HDGFL2: variants seen among roughly 807,000 people sequenced by gnomAD.
The protein encoded by HDGFL2 is HDGF like 2.
A neutral mutation model predicts 77.1 loss-of-function variants in HDGFL2; 36 were observed. The ratio of observed to expected loss-of-function variants is 0.47; its 90% CI spans 0.36 to 0.62. The LOEUF (loss-of-function observed/expected upper bound fraction) is 0.62. Ranked by LOEUF, HDGFL2 falls within the 20% of genes least tolerant of loss-of-function variation. HDGFL2 has a pLI of 0.00. For missense variants in HDGFL2, 976 were observed against 973.4 expected (o/e 1.00, Z -0.04); for synonymous variants, 463 against 413.1 (o/e 1.12, Z -1.46).
Position 4,494,414 on chromosome 19 carries a change from G to A in HDGFL2, c.1163G>A (p.Gly388Asp). The change falls in exon 9 of 16, where the codon GGC (glycine) becomes GAC (aspartate). Residue 388 changes from glycine to aspartate, a missense_variant. Transcript: ENST00000616600. ...CCCGTCAAGAAGCGGGGACGCAAGG[G>A]CCGGGGCCGGGGTCCCCCGTCCTCC... The part of the protein sequence containing the change: ...DEPVKKRGRK[G>D]RGRGPPSSSD... The A allele has an allele frequency of 7.1e-7, 1 of 1,405,654 alleles. No individual in the cohort carries two copies. Among genetic ancestry groups the A allele is most frequent in the Non-Finnish European group, 9.2e-7 (1 of 1,084,810 alleles). The allele number at this position is 1,405,654 out of a possible 1,614,324, so 87.1% of individuals were successfully genotyped here. A position where few individuals can be genotyped will look rare whatever the true frequency, so the allele number is the denominator to read the frequency against.
intron 6 of HDGFL2, 136 bp from the exon 7 acceptor site, chr19:4,493,567 G>T: frequency 8.5e-7 from 1 of 1,177,876 alleles, no homozygotes; most frequent in Non-Finnish European, 1.1e-6. Context: ...GGTGGGAGGG[G>T]ATTCGGAGCC....
chr19:4,489,458 C>T (rs923046565), intron 4 of HDGFL2, among the ~76,000 whole-genome samples: 8 of 151,524 alleles, frequency 5.3e-5, no homozygotes, highest in African/African-American at 1.5e-4. Flanking sequence ...GGCTGGAGTG[C>T]GGTGGCACGA....
chr19:4,493,865 A>G lies in HDGFL2; in HGVS notation c.838+3A>G. 2 of 1,503,756 alleles carry G rather than the reference A, an allele frequency of 1.3e-6. No individual in the cohort carries two copies. Among genetic ancestry groups the G allele is most frequent in the Non-Finnish European group, 1.8e-6 (2 of 1,119,134 alleles). 93.2% of individuals were successfully genotyped at this position (1,503,756 alleles called of 1,614,324 possible). A position where few individuals can be genotyped will look rare whatever the true frequency, so the allele number is the denominator to read the frequency against. ...GCCTCCGAGGGGCAGGAAGCCAGGT[A>G]GGGCCCTCGTGCTCGCACATCTCTT... On this transcript the variant is annotated splice_donor_region_variant and intron_variant, in intron 7 of 15. Transcript: ENST00000616600.
At chr19:4,500,948 GC>G (rs1975856713) in intron 14 of HDGFL2, among the ~76,000 whole-genome samples, 1 of 152,184 alleles carries the variant, frequency 6.6e-6, no homozygotes, top group Non-Finnish European at 1.5e-5. Context: ...TCTCAGGGCT[GC>G]CCACGTTCCC....
intron 13 of HDGFL2, 35 bp downstream of exon 13, chr19:4,498,950 CG>C (rs1975781492): frequency 1.4e-6 from 2 of 1,473,880 alleles, no homozygotes; most frequent in Non-Finnish European, 1.9e-6. Flanking sequence ...AGGGTGCAGT[CG>C]GGGGAGCTGG....
chr19:4,493,790 T>G lies in HDGFL2; in HGVS notation c.766T>G (p.Ser256Ala), dbSNP rs1454603834. Residue 256 changes from serine to alanine, a missense_variant, in exon 7 of 16, where the codon TCC becomes GCC. Ser to Ala is a moderately conservative substitution (Grantham distance 99). This residue lies in a region of HDGFL2 where 567 missense variants were observed against 534.7 expected (regional missense o/e 1.06). Transcript: ENST00000616600. ...GGTGGCCATGGCGCGGTCGGCGTCCTCCTCCTCCTCTTCCTCCTCCTCCTC... is the reference window on the plus strand; with the variant it reads ...GGTGGCCATGGCGCGGTCGGCGTCCGCCTCCTCCTCTTCCTCCTCCTCCTC... ...EPVAMARSAS[S>A]SSSSSSSSDS... is the part of the protein sequence containing the mutation. The G allele has an allele frequency of 2.6e-6, 4 of 1,543,650 alleles. No homozygotes were observed. The Admixed American group carries it at 7.9e-5, about 31-fold the overall frequency.
At chr19:4,491,324 T>C (rs1975506986) in intron 4 of HDGFL2, among the ~76,000 whole-genome samples, 1 of 135,170 alleles carries the variant, frequency 7.4e-6, no homozygotes, top group South Asian at 2.7e-4. Context: ...TTTCTGTCTC[T>C]GTGAGTCTGA....
intron 1 of HDGFL2, among the ~76,000 whole-genome samples, chr19:4,473,753 C>G (rs1314942987): frequency 6.6e-6 from 1 of 151,680 alleles, no homozygotes; most frequent in Non-Finnish European, 1.5e-5. Flanking sequence ...GGAACTGGAC[C>G]TTAGAATGAA....
rs751472160 is a variant in HDGFL2, at chr19:4,499,518, G to A, written c.1603G>A (p.Val535Ile). 6 of 1,613,846 alleles carry A rather than the reference G, an allele frequency of 3.7e-6. No homozygotes were observed. Among genetic ancestry groups the A allele is most frequent in the Non-Finnish European group, 4.2e-6 (5 of 1,179,974 alleles). The part of the protein sequence containing the change: ...KIRRYKANKD[V>I]MEKAAEVYTR... ...TCGCCGTTACAAAGCGAACAAGGAC[G>A]TAATGGAGAAGGCAGCAGAAGTCTA... Residue 535 changes from valine to isoleucine, a missense_variant, in exon 14 of 16, where the codon GTA becomes ATA. Transcript: ENST00000616600.
At chr19:4,486,560 C>T (rs1975367790) in intron 3 of HDGFL2, among the ~76,000 whole-genome samples, 1 of 151,612 alleles carries the variant, frequency 6.6e-6, no homozygotes. Context: ...GCAATCTCTG[C>T]CAAGCACGGT....
chr19:4,486,415 G>T (rs1307868445), intron 3 of HDGFL2: 2 of 151,874 alleles, frequency 1.3e-5, no homozygotes, highest in Admixed American at 1.3e-4. Context: ...GAATGAATGA[G>T]TAATGGGGCT....
At chr19:4,494,503 T>A (rs1406368432) in intron 9 of HDGFL2, 28 bp downstream of exon 9, 1 of 1,357,140 alleles carries the variant, frequency 7.4e-7, no homozygotes. Context: ...CGGGAGTCCC[T>A]GCCTTCACTC....
At position 4,498,895 on chromosome 19, in the gene HDGFL2, G is replaced by A. The variant is rs547104569; in HGVS notation, c.1555G>A (p.Val519Met). 1.6e-5 allele frequency: 25 copies of A among 1,610,464 alleles called. No homozygotes were observed. Among genetic ancestry groups the A allele is most frequent in the Middle Eastern group, 1.7e-4 (1 of 6,058 alleles). The change falls in exon 13 of 16, where the codon GTG becomes ATG. Residue 519 changes from valine to methionine, a missense_variant. Physicochemically the swap from Val to Met is conservative, Grantham distance 21. Coordinates refer to ENST00000616600, the MANE Select transcript of HDGFL2 (RefSeq NM_001001520.3). ...TCAGATCCTCCAGAAGAACACAGAC[G>A]TGGTGGCCACCTTGAAGAAGGTATG... Reference protein sequence around the residue: ...TSQILQKNTDVVATLKKIRRY... With the variant: ...TSQILQKNTDMVATLKKIRRY...
chr19:4,487,492 A>C (rs1233743609), intron 3 of HDGFL2, among the ~76,000 whole-genome samples: 2 of 151,088 alleles, frequency 1.3e-5, no homozygotes, highest in Non-Finnish European at 3.0e-5. Flanking sequence ...CCTGGGCTCA[A>C]GTGATCCTTC....
intron 3 of HDGFL2, among the ~76,000 whole-genome samples, chr19:4,476,068 T>A (rs1165245006): frequency 6.6e-6 from 1 of 151,554 alleles, no homozygotes; most frequent in Non-Finnish European, 1.5e-5. Context: ...TTTTTTGTAT[T>A]TTTAATAGAG....
At position 4,493,571 on chromosome 19, in the gene HDGFL2, CG is replaced by C; in HGVS notation, c.679-130del. The C allele has an allele frequency of 2.5e-6, 3 of 1,192,818 alleles. No individual in the cohort carries two copies. In the East Asian group the frequency reaches 9.5e-5, roughly 38 times the overall value. The allele number at this position is 1,192,818 out of a possible 1,614,324, so 73.9% of individuals were successfully genotyped here. ...TGGGTTTTGTGGGTGGGAGGGGATT[CG>C]GAGCCGGGCCCTGAGCCGAGGCCCG... On this transcript the variant is annotated intron_variant, in intron 6 of 15. Transcript: ENST00000616600.
intron 9 of HDGFL2, among the ~76,000 whole-genome samples, chr19:4,495,071 G>T (rs1975665042): frequency 6.6e-6 from 1 of 152,050 alleles, no homozygotes; most frequent in African/African-American, 2.4e-5. Flanking sequence ...GACTCCAAAG[G>T]CTTGCGTTTG....
rs892557055 is a variant in HDGFL2, at chr19:4,494,295, G to T, written c.1044G>T (p.Glu348Asp). 26 of 1,445,554 alleles carry T rather than the reference G, an allele frequency of 1.8e-5. No homozygotes were observed. Among genetic ancestry groups the T allele is most frequent in the Non-Finnish European group, 2.4e-5 (26 of 1,102,816 alleles). 89.5% of individuals were successfully genotyped at this position (1,445,554 alleles called of 1,614,324 possible). A position where few individuals can be genotyped will look rare whatever the true frequency, so the allele number is the denominator to read the frequency against. The change falls in exon 9 of 16, where the codon GAG becomes GAT. Residue 348 changes from glutamate (E) to aspartate (D), a missense_variant. Glu to Asp is a conservative substitution (Grantham distance 45). This residue lies in a region of HDGFL2 where 567 missense variants were observed against 534.7 expected (regional missense o/e 1.06). Coordinates refer to ENST00000616600, the MANE Select transcript of HDGFL2 (RefSeq NM_001001520.3). ...ELRRLREQEK[E>D]EKERRRERAD... ...GGCGCCTGCGGGAGCAGGAGAAGGA[G>T]GAGAAGGAGCGGAGGCGCGAGCGGG...
chr19:4,474,758 G>T, intron 1 of HDGFL2: 1 of 155,856 alleles, frequency 6.4e-6, no homozygotes. Context: ...GAAGTGAAGG[G>T]GCTGTTAGTC....
Sources: allele counts gnomAD v4.1 joint callset (sites outside exome capture counted in the v4.1 genomes callset), GRCh38; gene constraint gnomAD v4.1.1; regional missense constraint gnomAD v4.1.1; transcripts MANE v1.5; gene names NCBI Gene and HGNC (gene_info 2026-07-23, HGNC 2026-07-21).